The following CSNK1G3 variants were observed in gnomAD, a reference collection of about 807,000 sequenced individuals.
CSNK1G3 encodes casein kinase I isoform gamma-3.
In CSNK1G3, 23 loss-of-function variants were observed where a neutral mutation model predicts 64.3. The observed-to-expected ratio is 0.36, with a 90% CI of 0.26 to 0.51. The LOEUF is 0.51. Among genes scored for constraint, CSNK1G3 ranks in the 20% least tolerant of loss-of-function variants. CSNK1G3 has a pLI of 0.96. For missense variants in CSNK1G3, 357 were observed against 510.5 expected (o/e 0.70, Z 2.90); for synonymous variants, 158 against 162.2 (o/e 0.97, Z 0.20).
chr5:123,515,373 T>C (rs1319340013), intron 1 of CSNK1G3, among the ~76,000 whole-genome samples: 3 of 152,208 alleles, frequency 2.0e-5, no homozygotes, highest in Admixed American at 1.3e-4. Flanking sequence ...TAACAAAATA[T>C]AGGTCATTGA....
intron 7 of CSNK1G3, 109 bp downstream of exon 7, chr5:123,588,262 G>A: frequency 9.6e-7 from 1 of 1,038,662 alleles, no homozygotes; most frequent in Admixed American, 2.0e-5. Flanking sequence ...TTGTAAGTAG[G>A]CATCAGGGCT....
chr5:123,561,443 T>C (rs1349750983), intron 4 of CSNK1G3, among the ~76,000 whole-genome samples: 1 of 152,148 alleles, frequency 6.6e-6, no homozygotes, highest in African/African-American at 2.4e-5. Context: ...TAACAAAAGT[T>C]GTGAAAGCAG....
intron 12 of CSNK1G3, among the ~76,000 whole-genome samples, chr5:123,611,690 A>T (rs1796366105): frequency 6.6e-6 from 1 of 152,230 alleles, no homozygotes; most frequent in Non-Finnish European, 1.5e-5. Flanking sequence ...GAAAATTTTG[A>T]AAGAATCTAC....
intron 1 of CSNK1G3, among the ~76,000 whole-genome samples, chr5:123,541,519 C>T (rs1252057713): frequency 6.6e-6 from 1 of 152,154 alleles, no homozygotes; most frequent in Non-Finnish European, 1.5e-5. Flanking sequence ...ACCTCTGCCT[C>T]CCAGGTTCAA....
Position 123,605,208 on chromosome 5 carries a change from CAT to C in CSNK1G3, c.1194-129_1194-128del, listed in dbSNP as rs1238326921. On this transcript the variant is annotated intron_variant, in intron 11 of 12. Transcript: ENST00000345990. ...ATATTTTGAATTAGTTTTTTCAAAA[CAT>C]AAATTATAACAACATTGCTTGGAAA... The C allele has an allele frequency of 1.2e-5, 9 of 760,662 alleles. No homozygotes were observed. In the African/African-American group the frequency reaches 1.2e-4, roughly 11 times the overall value. The allele number at this position is 760,662 out of a possible 1,614,324, so 47.1% of individuals were successfully genotyped here.
intron 4 of CSNK1G3, among the ~76,000 whole-genome samples, chr5:123,565,510 TTTAAA>T (rs1444437151): frequency 2.0e-5 from 3 of 152,252 alleles, no homozygotes; most frequent in African/African-American, 4.8e-5. Context: ...ATCAGAGCTG[TTTAAA>T]TTAAATCAGG....
chr5:123,524,461 G>A (rs1212583869), intron 1 of CSNK1G3, among the ~76,000 whole-genome samples: 4 of 152,118 alleles, frequency 2.6e-5, no homozygotes, highest in African/African-American at 9.7e-5. Context: ...TTTAATAATA[G>A]AAAGAAGCAG....
intron 4 of CSNK1G3, among the ~76,000 whole-genome samples, chr5:123,565,574 C>A (rs1561532130): frequency 6.6e-6 from 1 of 152,106 alleles, no homozygotes. Flanking sequence ...TCTAATTCTT[C>A]TTATTTGTGT....
At chr5:123,516,267 A>T (rs890077730) in intron 1 of CSNK1G3, among the ~76,000 whole-genome samples, 6 of 152,198 alleles carry the variant, frequency 3.9e-5, no homozygotes, top group Non-Finnish European at 7.4e-5. Context: ...GCTGATCTGC[A>T]GGACAGAACT....
chr5:123,533,430 G>C, intron 1 of CSNK1G3, among the ~76,000 whole-genome samples: 1 of 151,850 alleles, frequency 6.6e-6, no homozygotes, highest in South Asian at 2.1e-4. Flanking sequence ...TAGTATGATA[G>C]AGTTGCTTTT....
At chr5:123,603,517 G>T (rs1421459434) in intron 10 of CSNK1G3, among the ~76,000 whole-genome samples, 1 of 152,018 alleles carries the variant, frequency 6.6e-6, no homozygotes, top group Non-Finnish European at 1.5e-5. Context: ...TGGAGGTAGG[G>T]ATGGATGTCA....
chr5:123,608,521 T>C (rs559338136), intron 12 of CSNK1G3, among the ~76,000 whole-genome samples: 6 of 152,310 alleles, frequency 3.9e-5, no homozygotes, highest in Non-Finnish European at 8.8e-5. Context: ...TTATTTACTT[T>C]TTAAGTAGTA....
At chr5:123,614,868 C>T (rs1224199292) in exon 13 of CSNK1G3, 1 of 153,022 alleles carries the variant, frequency 6.5e-6, no homozygotes, top group Non-Finnish European at 1.5e-5. Context: ...GAAGTTATTC[C>T]TTGAGAAGTT....
intron 9 of CSNK1G3, 85 bp downstream of exon 9, chr5:123,590,643 A>G: frequency 1.2e-6 from 1 of 845,318 alleles, no homozygotes; most frequent in East Asian, 3.0e-5. Flanking sequence ...AAGAGTTGAG[A>G]ACAAATAGTT....
intron 1 of CSNK1G3, among the ~76,000 whole-genome samples, chr5:123,513,337 G>A (rs1776590574): frequency 6.6e-6 from 1 of 152,082 alleles, no homozygotes; most frequent in Non-Finnish European, 1.5e-5. Context: ...TACTCGTGGG[G>A]TGGGGGTAGT....
intron 1 of CSNK1G3, among the ~76,000 whole-genome samples, chr5:123,537,855 C>T (rs1310035210): frequency 6.6e-6 from 1 of 152,140 alleles, no homozygotes; most frequent in Non-Finnish European, 1.5e-5. Flanking sequence ...TACCACCCTA[C>T]TTAACCGCTG....
chr5:123,579,651 A>G (rs1310765733), intron 6 of CSNK1G3, among the ~76,000 whole-genome samples: 3 of 151,970 alleles, frequency 2.0e-5, no homozygotes, highest in African/African-American at 7.2e-5. Flanking sequence ...ACAGCATTCT[A>G]TTTGTAGAAA....
At chr5:123,605,614 A>G (rs1397904179) in intron 12 of CSNK1G3, among the ~76,000 whole-genome samples, 1 of 152,090 alleles carries the variant, frequency 6.6e-6, no homozygotes, top group Non-Finnish European at 1.5e-5. Flanking sequence ...AATTGCATAG[A>G]TGATACACCA....
intron 6 of CSNK1G3, 91 bp downstream of exon 6, chr5:123,576,054 A>T (rs1057178405): frequency 1.3e-4 from 90 of 709,446 alleles, no homozygotes; most frequent in Non-Finnish European, 1.9e-4. Flanking sequence ...GTTTTTGCAG[A>T]TTATAATAGC....
Sources: gnomAD v4.1 joint callset for allele counts (sites outside exome capture counted in the v4.1 genomes callset) on GRCh38, gnomAD v4.1.1 for gene constraint, MANE v1.5 for transcripts, NCBI Gene and HGNC (gene_info 2026-07-23, HGNC 2026-07-21) for gene names.